The following GRIN2B variants were observed in gnomAD, a reference collection of about 807,000 sequenced individuals.
The protein encoded by GRIN2B is glutamate receptor ionotropic, NMDA 2B.
Under a neutral mutation model 114.5 loss-of-function variants are expected in GRIN2B, and 5 were observed. The observed-to-expected ratio is 0.04, with a 90% CI of 0.02 to 0.09. The LOEUF (loss-of-function observed/expected upper bound fraction) is 0.09. GRIN2B is among the 10% of genes least tolerant of loss of function. The pLI is 1.00. For missense variants in GRIN2B, 1,108 were observed against 1,943.5 expected (o/e 0.57, Z 8.08); for synonymous variants, 787 against 745.1 (o/e 1.06, Z -0.92).
intron 3 of GRIN2B, among the ~76,000 whole-genome samples, chr12:13,756,172 T>C (rs1031729009): frequency 6.6e-6 from 1 of 151,946 alleles, no homozygotes; most frequent in African/African-American, 2.4e-5. Flanking sequence ...CCCACCACCA[T>C]GCCAGGCTAA....
At chr12:13,572,519 A>G (rs1420841437) in intron 10 of GRIN2B, among the ~76,000 whole-genome samples, 3 of 152,168 alleles carry the variant, frequency 2.0e-5, no homozygotes, top group African/African-American at 7.2e-5. Flanking sequence ...GCTCATATTT[A>G]TCCCACATGA....
chr12:13,921,703 G>T (rs565358172), intron 2 of GRIN2B, among the ~76,000 whole-genome samples: 7 of 152,296 alleles, frequency 4.6e-5, no homozygotes, highest in South Asian at 2.1e-4. Flanking sequence ...AATGAAGTCA[G>T]AGTTTCCATA....
At chr12:13,873,948 G>A (rs1039816535) in intron 2 of GRIN2B, among the ~76,000 whole-genome samples, 37 of 152,184 alleles carry the variant, frequency 2.4e-4, no homozygotes, top group Non-Finnish European at 7.3e-5. Context: ...GATCAGAGAA[G>A]AGCAGGATAG....
At chr12:13,645,116 A>G (rs1421873704) in intron 5 of GRIN2B, among the ~76,000 whole-genome samples, 1 of 152,118 alleles carries the variant, frequency 6.6e-6, no homozygotes, top group Non-Finnish European at 1.5e-5. Flanking sequence ...TAGGTTTTCC[A>G]TGAGGCTTCC....
At chr12:13,666,945 T>C (rs1345689768) in intron 5 of GRIN2B, among the ~76,000 whole-genome samples, 1 of 152,200 alleles carries the variant, frequency 6.6e-6, no homozygotes, top group Non-Finnish European at 1.5e-5. Flanking sequence ...TATGTAAAGG[T>C]ATTTTTATAA....
chr12:13,623,595 C>T (rs1341317039), intron 5 of GRIN2B, among the ~76,000 whole-genome samples: 2 of 152,210 alleles, frequency 1.3e-5, no homozygotes, highest in African/African-American at 4.8e-5. Flanking sequence ...TCCTCTTTTA[C>T]CATCTAGTCA....
chr12:13,850,404 A>G (rs1031302496), intron 3 of GRIN2B, among the ~76,000 whole-genome samples: 1 of 152,106 alleles, frequency 6.6e-6, no homozygotes, highest in South Asian at 2.1e-4. Flanking sequence ...ATCCAGTTGA[A>G]AGTGTTCTGG....
At position 13,550,471 on chromosome 12, in the gene GRIN2B, A is replaced by C. The variant is rs562180837; in HGVS notation, c.*12312T>G. Reference sequence around the variant, plus strand: ...GCGCTGATCACTGAAGGTGTGCAAGAGTCTCAGGAGGAATTCTGTCATAAA... The same window carrying C: ...GCGCTGATCACTGAAGGTGTGCAAGCGTCTCAGGAGGAATTCTGTCATAAA... On this transcript the variant is annotated 3_prime_UTR_variant, in exon 14 of 14. Coordinates refer to ENST00000609686, the MANE Select transcript of GRIN2B (RefSeq NM_000834.5). 4.6e-5 allele frequency: 7 copies of C among 152,342 alleles called. No homozygotes were observed. The South Asian group carries it at 1.4e-3, about 32-fold the overall frequency. 9.4% of individuals were successfully genotyped at this position (152,342 alleles called of 1,614,324 possible). A position where few individuals can be genotyped will look rare whatever the true frequency, so the allele number is the denominator to read the frequency against.
intron 2 of GRIN2B, among the ~76,000 whole-genome samples, chr12:13,899,115 C>G (rs980040077): frequency 2.6e-5 from 4 of 152,178 alleles, no homozygotes; most frequent in African/African-American, 9.6e-5. Context: ...AAATTTAGAA[C>G]CTAACACTGT....
intron 5 of GRIN2B, among the ~76,000 whole-genome samples, chr12:13,674,906 C>G (rs1242296953): frequency 1.3e-5 from 2 of 152,132 alleles, no homozygotes; most frequent in Non-Finnish European, 2.9e-5. Context: ...TAGGTAGCAT[C>G]TCCCAACCTT....
chr12:13,879,031 A>T (rs1357796774), intron 2 of GRIN2B, among the ~76,000 whole-genome samples: 6 of 152,200 alleles, frequency 3.9e-5, no homozygotes, highest in Non-Finnish European at 7.4e-5. Flanking sequence ...TCGGAATCTG[A>T]TTCATGAAAA....
intron 4 of GRIN2B, among the ~76,000 whole-genome samples, chr12:13,692,509 G>C (rs545191099): frequency 3.4e-4 from 51 of 152,104 alleles, no homozygotes; most frequent in Middle Eastern, 6.8e-3. Context: ...CATCTGTGTG[G>C]GTTTTCTCCA....
intron 4 of GRIN2B, among the ~76,000 whole-genome samples, chr12:13,692,756 T>TTTTC (rs202160966): frequency 0.056 from 3,824 of 68,044 alleles, 943 homozygotes; most frequent in Middle Eastern, 0.17. Flanking sequence ...TTAATCTTTC[T>TTTTC]TTTCTTTTTT....
At chr12:13,601,070 C>T (rs1227497425) in intron 10 of GRIN2B, among the ~76,000 whole-genome samples, 3 of 152,108 alleles carry the variant, frequency 2.0e-5, no homozygotes, top group South Asian at 2.1e-4. Flanking sequence ...CAATGCAAAT[C>T]GGGACAAAGA....
chr12:13,782,032 A>G lies in GRIN2B; in HGVS notation c.412-28117T>C, dbSNP rs569761309. The stretch of plus-strand genomic sequence containing the variant: ...CAGAGTATGTGTGTGATTACTAGAG[A>G]CAAACCTTAGCTCTTCTGTGTCTGT... On this transcript the variant is annotated intron_variant, in intron 3 of 13. Transcript: ENST00000609686. Among the ~76,000 whole-genome samples the G allele has an allele frequency of 2.6e-5, 4 of 152,322 alleles. 1 individual carries two copies. The South Asian group carries it at 8.3e-4, about 32-fold the overall frequency.
intron 2 of GRIN2B, among the ~76,000 whole-genome samples, chr12:13,948,524 C>T (rs575678025): frequency 1.1e-3 from 172 of 152,134 alleles, no homozygotes; most frequent in African/African-American, 4.1e-3. Flanking sequence ...CAGAGTCATC[C>T]GGTTCTGCTC....
chr12:13,974,765 G>C (rs2136876066), intron 2 of GRIN2B, among the ~76,000 whole-genome samples: 1 of 151,868 alleles, frequency 6.6e-6, no homozygotes, highest in South Asian at 2.1e-4. Context: ...CACACCACTA[G>C]ATCCTGGCAG....
At chr12:13,860,117 T>C (rs894583510) in intron 3 of GRIN2B, among the ~76,000 whole-genome samples, 1 of 152,148 alleles carries the variant, frequency 6.6e-6, no homozygotes, top group Non-Finnish European at 1.5e-5. Flanking sequence ...CTACTCCCAG[T>C]GTCACACACC....
intron 4 of GRIN2B, among the ~76,000 whole-genome samples, chr12:13,684,380 C>T (rs1430485599): frequency 2.0e-5 from 3 of 152,180 alleles, no homozygotes; most frequent in African/African-American, 7.2e-5. Context: ...ACTAGTGAGG[C>T]TGCCTTTTGA....
Sources: gnomAD v4.1 joint callset for allele counts (sites outside exome capture counted in the v4.1 genomes callset) on GRCh38, gnomAD v4.1.1 for gene constraint, MANE v1.5 for transcripts, NCBI Gene and HGNC (gene_info 2026-07-23, HGNC 2026-07-21) for gene names.